SH2D4A: variants seen among roughly 807,000 people sequenced by gnomAD.
SH2D4A encodes SH2 domain containing 4A.
SH2D4A carries 70 observed loss-of-function variants against 64.7 expected under a neutral mutation model. The observed-to-expected ratio is 1.08, with a 90% confidence interval of 0.89 to 1.32. The LOEUF (loss-of-function observed/expected upper bound fraction) is 1.32, where lower values mean the gene tolerates loss of function less well. Ranked by LOEUF, SH2D4A falls within the 40% of genes most tolerant of loss-of-function variation. SH2D4A has a pLI of 0.00. For synonymous variants in SH2D4A, 268 were observed against 200.7 expected (o/e 1.34, Z -2.83); for missense variants, 706 against 540.1 (o/e 1.31, Z -3.04).
chr8:19,345,071 G>T (rs1323740576), intron 4 of SH2D4A, among the ~76,000 whole-genome samples: 2 of 152,176 alleles, frequency 1.3e-5, no homozygotes, highest in African/African-American at 4.8e-5. Context: ...GTCTCTGCAG[G>T]TCTTTTGTTT....
chr8:19,370,259 G>C (rs947292208), intron 7 of SH2D4A, among the ~76,000 whole-genome samples: 10 of 151,980 alleles, frequency 6.6e-5, no homozygotes, highest in Admixed American at 1.3e-4. Context: ...GTCTATAATT[G>C]TCTGTTAGGT....
At chr8:19,379,448 C>T (rs2053253038) in intron 8 of SH2D4A, among the ~76,000 whole-genome samples, 2 of 152,184 alleles carry the variant, frequency 1.3e-5, no homozygotes, top group African/African-American at 4.8e-5. Flanking sequence ...TTCCATGTTT[C>T]AGGTATTGTG....
chr8:19,385,463 A>T (rs1174816525), intron 8 of SH2D4A, among the ~76,000 whole-genome samples: 1 of 152,108 alleles, frequency 6.6e-6, no homozygotes, highest in Non-Finnish European at 1.5e-5. Context: ...GGCCTCCCAA[A>T]GTGCTGGGAT....
At chr8:19,363,901 G>C (rs2052937174) in intron 6 of SH2D4A, 171 bp from the exon 7 acceptor site, 1 of 641,352 alleles carries the variant, frequency 1.6e-6, no homozygotes, top group African/African-American at 1.8e-5. Context: ...GCGAACGCTG[G>C]GCAAGCCCTA....
chr8:19,335,169 T>C (rs1399960747), intron 4 of SH2D4A, among the ~76,000 whole-genome samples: 2 of 151,848 alleles, frequency 1.3e-5, no homozygotes, highest in African/African-American at 4.8e-5. Flanking sequence ...GCGCCTGCAG[T>C]CCCAGCTACT....
rs1220174712 is a variant in SH2D4A, at chr8:19,394,548, A to T, written c.1273-2A>T. 2.5e-6 allele frequency: 4 copies of T among 1,602,172 alleles called. No homozygotes were observed. The African/African-American group carries it at 5.4e-5, about 21-fold the overall frequency. On this transcript the variant is annotated splice_acceptor_variant, in intron 9 of 9. Coordinates refer to ENST00000265807, the MANE Select transcript of SH2D4A (RefSeq NM_022071.4). LOFTEE classifies it high-confidence loss of function. ...TCTGACCCCGTGCCTTCTGATTGACAGGAGGAACCCATCACTTCCCTGGGG... is the reference window on the plus strand; with the variant it reads ...TCTGACCCCGTGCCTTCTGATTGACTGGAGGAACCCATCACTTCCCTGGGG...
In SH2D4A at chr8:19,319,346, T is replaced by G. The variant is rs2052144938; in HGVS notation, c.-202T>G. The G allele has an allele frequency of 2.4e-6, 3 of 1,226,596 alleles. No homozygotes were observed. Among genetic ancestry groups the G allele is most frequent in the Non-Finnish European group, 3.1e-6 (3 of 983,520 alleles). 76.0% of individuals were successfully genotyped at this position (1,226,596 alleles called of 1,614,324 possible). On this transcript the variant is annotated splice_region_variant and 5_prime_UTR_variant, in exon 2 of 10. Transcript: ENST00000265807. The stretch of plus-strand genomic sequence containing the variant: ...ATGTGGGCTCTTTCTCTCTGCAGGT[T>G]CAGTGAACAGCATTTTGGACAGGAC...
At chr8:19,372,951 T>A (rs1296589585) in intron 7 of SH2D4A, among the ~76,000 whole-genome samples, 1 of 152,010 alleles carries the variant, frequency 6.6e-6, no homozygotes, top group Non-Finnish European at 1.5e-5. Flanking sequence ...ATGCAAACAT[T>A]AGGAAAGAAA....
intron 8 of SH2D4A, among the ~76,000 whole-genome samples, chr8:19,377,103 G>A (rs1219838354): frequency 2.0e-5 from 3 of 152,060 alleles, no homozygotes; most frequent in Admixed American, 2.0e-4. Context: ...TTGCCAGGGC[G>A]GGCATGGTGG....
chr8:19,361,222 A>G lies in SH2D4A; in HGVS notation c.614A>G (p.Lys205Arg). ...AAACAGAAGAAAGAATCTATGAAGAAAAAACAAGATGAAGAAATAAATCAA... is the reference window on the plus strand; with the variant it reads ...AAACAGAAGAAAGAATCTATGAAGAGAAAACAAGATGAAGAAATAAATCAA... Reference protein sequence around the residue: ...AFHQKKESMKKKQDEEINQIE... With the variant: ...AFHQKKESMKRKQDEEINQIE... Residue 205 changes from lysine (K) to arginine (R), a missense_variant, in exon 6 of 10, where the codon AAA becomes AGA. By Grantham distance (26) the Lys-to-Arg change is conservative. Transcript: ENST00000265807. The G allele has an allele frequency of 6.4e-7, 1 of 1,558,638 alleles. No homozygotes were observed. The highest frequency in any genetic ancestry group is 8.8e-7 in the Non-Finnish European group (1 of 1,137,722).
chr8:19,331,299 G>A (rs2052361698), intron 2 of SH2D4A, among the ~76,000 whole-genome samples: 1 of 152,208 alleles, frequency 6.6e-6, no homozygotes, highest in African/African-American at 2.4e-5. Context: ...CACAATCCCA[G>A]TGTGGATGTT....
At chr8:19,317,634 C>A (rs2052112442) in intron 1 of SH2D4A, among the ~76,000 whole-genome samples, 1 of 152,144 alleles carries the variant, frequency 6.6e-6, no homozygotes. Context: ...CAAGGAACTA[C>A]TTTGCACGGA....
rs979613681 is a variant in SH2D4A, at chr8:19,336,671, C to A, written c.513+1814C>A. On this transcript the variant is annotated intron_variant, in intron 4 of 9. Transcript: ENST00000265807. Reference sequence around the variant, plus strand: ...AGTTCCAGACAAGCCTGGGCATAATCCTGCAGAGACAGTGAGACCCCCATC... The same window carrying A: ...AGTTCCAGACAAGCCTGGGCATAATACTGCAGAGACAGTGAGACCCCCATC... Among the ~76,000 whole-genome samples the A allele has an allele frequency of 5.9e-5, 9 of 152,030 alleles. No homozygotes were observed. The East Asian group carries it at 9.7e-4, about 16-fold the overall frequency.
At chr8:19,380,754 C>T (rs889580855) in intron 8 of SH2D4A, among the ~76,000 whole-genome samples, 3 of 152,124 alleles carry the variant, frequency 2.0e-5, no homozygotes, top group Admixed American at 2.0e-4. Context: ...ATGCCAGTAC[C>T]ACACTGTTTT....
intron 1 of SH2D4A, among the ~76,000 whole-genome samples, chr8:19,317,891 A>G (rs1330172996): frequency 6.6e-6 from 1 of 151,812 alleles, no homozygotes; most frequent in African/African-American, 2.4e-5. Context: ...TTATTGGTCA[A>G]TTTCTTTTTT....
intron 1 of SH2D4A, among the ~76,000 whole-genome samples, chr8:19,318,011 C>G (rs2052119585): frequency 6.6e-6 from 1 of 152,082 alleles, no homozygotes; most frequent in Non-Finnish European, 1.5e-5. Flanking sequence ...AAGCGATCTC[C>G]TGTCTCAGCC....
At chr8:19,340,961 C>G (rs2052520670) in intron 4 of SH2D4A, among the ~76,000 whole-genome samples, 1 of 152,184 alleles carries the variant, frequency 6.6e-6, no homozygotes, top group Non-Finnish European at 1.5e-5. Flanking sequence ...TAAGTCTTTT[C>G]ACAATAATCC....
At chr8:19,377,096 C>T (rs1249720028) in intron 8 of SH2D4A, among the ~76,000 whole-genome samples, 2 of 152,082 alleles carry the variant, frequency 1.3e-5, no homozygotes, top group Admixed American at 1.3e-4. Flanking sequence ...GTAAAACTTG[C>T]CAGGGCGGGC....
intron 5 of SH2D4A, among the ~76,000 whole-genome samples, chr8:19,358,763 G>C (rs1029749620): frequency 2.6e-5 from 4 of 152,222 alleles, no homozygotes; most frequent in African/African-American, 9.6e-5. Flanking sequence ...GGCATTCTAA[G>C]TGCTTCCATC....
Sources: allele counts gnomAD v4.1 joint callset (sites outside exome capture counted in the v4.1 genomes callset), GRCh38; gene constraint gnomAD v4.1.1; transcripts MANE v1.5; gene names NCBI Gene and HGNC (gene_info 2026-07-23, HGNC 2026-07-21).